NR3C2: variants seen among roughly 807,000 people sequenced by gnomAD.
The protein encoded by NR3C2 is nuclear receptor subfamily 3 group C member 2.
In NR3C2, 15 loss-of-function variants were observed where a neutral mutation model predicts 86.4. That is an observed-to-expected ratio of 0.17 (90% CI 0.12 to 0.27). The LOEUF (loss-of-function observed/expected upper bound fraction) is 0.27. Among genes scored for constraint, NR3C2 ranks in the 10% least tolerant of loss-of-function variants. The pLI, the probability that NR3C2 is intolerant of heterozygous loss-of-function variation, is 1.00. For missense variants in NR3C2, 960 were observed against 1,195.6 expected (o/e 0.80, Z 2.91); for synonymous variants, 458 against 450.5 (o/e 1.02, Z -0.21).
At chr4:148,325,472 A>T (rs1743914750) in intron 2 of NR3C2, among the ~76,000 whole-genome samples, 1 of 151,596 alleles carries the variant, frequency 6.6e-6, no homozygotes, top group Non-Finnish European at 1.5e-5. Flanking sequence ...GTTGTAGGTC[A>T]GTGAGAAAGA....
intron 2 of NR3C2, among the ~76,000 whole-genome samples, chr4:148,432,387 T>G (rs377600038): frequency 6.6e-6 from 1 of 152,138 alleles, no homozygotes; most frequent in African/African-American, 2.4e-5. Flanking sequence ...TAAAGGTTAG[T>G]TTCAATGTGG....
chr4:148,416,046 T>C (rs1464115123), intron 2 of NR3C2, among the ~76,000 whole-genome samples: 1 of 152,174 alleles, frequency 6.6e-6, no homozygotes, highest in Non-Finnish European at 1.5e-5. Context: ...ATCATAATAT[T>C]AAATATAAAA....
At chr4:148,150,961 G>C (rs1578943237) in intron 6 of NR3C2, among the ~76,000 whole-genome samples, 1 of 152,124 alleles carries the variant, frequency 6.6e-6, no homozygotes, top group Admixed American at 6.5e-5. Flanking sequence ...ATATAGAATA[G>C]GTAAATTCAT....
Position 148,135,439 on chromosome 4 carries a change from A to G in NR3C2, c.2511-15151T>C, listed in dbSNP as rs192591044. 2.0e-3 allele frequency among the ~76,000 whole-genome samples: 300 copies of G among 152,250 alleles called. 1 individual carries two copies. Among genetic ancestry groups the G allele is most frequent in the African/African-American group, 7.0e-3 (289 of 41,548 alleles). On this transcript the variant is annotated intron_variant, in intron 6 of 8. Transcript: ENST00000358102. Reference sequence around the variant, plus strand: ...AGCAACAAGGTGCCATCTTGGAAGGAGATGGCAGCCCTTACCACACATTGA... The same window carrying G: ...AGCAACAAGGTGCCATCTTGGAAGGGGATGGCAGCCCTTACCACACATTGA...
At chr4:148,134,641 CTCTTTTT>C (rs1379333175) in intron 6 of NR3C2, among the ~76,000 whole-genome samples, 2 of 60,998 alleles carry the variant, frequency 3.3e-5, no homozygotes, top group Non-Finnish European at 6.7e-5. Context: ...CTCTCTCTCT[CTCTTTTT>C]TTTTTTTTTT....
intron 2 of NR3C2, among the ~76,000 whole-genome samples, chr4:148,282,817 C>A (rs1427253987): frequency 1.3e-5 from 2 of 151,916 alleles, no homozygotes; most frequent in African/African-American, 4.8e-5. Flanking sequence ...AGGCAGAACA[C>A]CAAGGAAGGG....
chr4:148,411,757 G>A (rs1048862285), intron 2 of NR3C2, among the ~76,000 whole-genome samples: 17 of 152,202 alleles, frequency 1.1e-4, no homozygotes, highest in African/African-American at 3.9e-4. Context: ...ACCAGAGCAA[G>A]CTCTAAGATT....
chr4:148,227,217 T>C (rs1738221004), intron 3 of NR3C2, among the ~76,000 whole-genome samples: 1 of 152,202 alleles, frequency 6.6e-6, no homozygotes, highest in Non-Finnish European at 1.5e-5. Context: ...CTTGACACTT[T>C]TGAAAAATAC....
intron 2 of NR3C2, among the ~76,000 whole-genome samples, chr4:148,394,518 CAA>C (rs112908192): frequency 0.13 from 17,377 of 132,916 alleles, 1,136 homozygotes; most frequent in Middle Eastern, 0.35. Flanking sequence ...CAACTCTACT[CAA>C]AAAAAAAAAA....
At chr4:148,424,348 A>C (rs1749427111) in intron 2 of NR3C2, among the ~76,000 whole-genome samples, 1 of 152,226 alleles carries the variant, frequency 6.6e-6, no homozygotes, top group East Asian at 1.9e-4. Flanking sequence ...GGAATATTAA[A>C]ATGGTACAAA....
intron 2 of NR3C2, among the ~76,000 whole-genome samples, chr4:148,290,009 G>A (rs62332045): frequency 0.26 from 39,537 of 152,058 alleles, 5,297 homozygotes; most frequent in Middle Eastern, 0.44. Context: ...CAGACTCCAT[G>A]TAAATTTCCT....
At chr4:148,339,075 T>C (rs1457389765) in intron 2 of NR3C2, among the ~76,000 whole-genome samples, 1 of 152,208 alleles carries the variant, frequency 6.6e-6, no homozygotes, top group African/African-American at 2.4e-5. Flanking sequence ...GAATTAAGTA[T>C]GGAAGTTGAT....
intron 8 of NR3C2, among the ~76,000 whole-genome samples, chr4:148,084,623 A>G (rs1730728088): frequency 6.6e-6 from 1 of 152,192 alleles, no homozygotes; most frequent in Non-Finnish European, 1.5e-5. Flanking sequence ...GGGCAAAACA[A>G]CCAGCTAGCA....
intron 8 of NR3C2, among the ~76,000 whole-genome samples, chr4:148,110,266 T>G (rs1731992727): frequency 6.6e-6 from 1 of 152,200 alleles, no homozygotes; most frequent in Admixed American, 6.5e-5. Context: ...TTGGGACCAT[T>G]ATTCCAGCAC....
At chr4:148,125,138 T>C (rs916075061) in intron 6 of NR3C2, among the ~76,000 whole-genome samples, 1 of 152,270 alleles carries the variant, frequency 6.6e-6, no homozygotes, top group Non-Finnish European at 1.5e-5. Context: ...CATTTGCTAC[T>C]GCCATGGGTA....
intron 6 of NR3C2, among the ~76,000 whole-genome samples, chr4:148,140,232 T>A (rs79556610): frequency 0.014 from 2,158 of 152,324 alleles, 53 homozygotes; most frequent in African/African-American, 0.049. Context: ...AGGCTGGGCA[T>A]GGTGTCTCAC....
chr4:148,150,480 C>G (rs1734055501), intron 6 of NR3C2, among the ~76,000 whole-genome samples: 1 of 152,190 alleles, frequency 6.6e-6, no homozygotes, highest in African/African-American at 2.4e-5. Flanking sequence ...AGAACACTAG[C>G]TAGCACTTCA....
At chr4:148,111,188 C>G (rs975455758) in intron 8 of NR3C2, among the ~76,000 whole-genome samples, 5 of 152,178 alleles carry the variant, frequency 3.3e-5, no homozygotes, top group Non-Finnish European at 7.3e-5. Flanking sequence ...TGAACAGGCA[C>G]TTCACCAAAG....
chr4:148,314,551 T>C (rs1220055707), intron 2 of NR3C2, among the ~76,000 whole-genome samples: 2 of 152,152 alleles, frequency 1.3e-5, no homozygotes, highest in Non-Finnish European at 2.9e-5. Flanking sequence ...AAGCCTTTAA[T>C]ACAGTACTTG....
Sources: gnomAD v4.1 joint callset for allele counts (sites outside exome capture counted in the v4.1 genomes callset) on GRCh38, gnomAD v4.1.1 for gene constraint, MANE v1.5 for transcripts, NCBI Gene and HGNC (gene_info 2026-07-23, HGNC 2026-07-21) for gene names.